PDE4B: variants seen among roughly 807,000 people sequenced by gnomAD.
PDE4B encodes phosphodiesterase 4B, also known as 3',5'-cyclic-AMP phosphodiesterase 4B.
PDE4B carries 20 observed loss-of-function variants against 82.2 expected under a neutral mutation model. The ratio of observed to expected loss-of-function variants is 0.24; its 90% CI spans 0.17 to 0.35. The LOEUF is 0.35. Ranked by LOEUF, PDE4B falls within the 10% of genes least tolerant of loss-of-function variation. PDE4B has a pLI of 1.00. For synonymous variants in PDE4B, 320 were observed against 318.9 expected (o/e 1.00, Z -0.04); for missense variants, 655 against 907.2 (o/e 0.72, Z 3.57).
intron 3 of PDE4B, among the ~76,000 whole-genome samples, chr1:66,115,017 G>A (rs2101061196): frequency 6.6e-6 from 1 of 152,246 alleles, no homozygotes; most frequent in East Asian, 1.9e-4. Context: ...TTATTCTTGA[G>A]AAGTTCCAGG....
intron 7 of PDE4B, among the ~76,000 whole-genome samples, chr1:66,323,959 A>T (rs1659582630): frequency 1.3e-5 from 2 of 152,226 alleles, no homozygotes; most frequent in South Asian, 4.1e-4. Flanking sequence ...CAATACCAAT[A>T]CAGGTAGATA....
intron 3 of PDE4B, among the ~76,000 whole-genome samples, chr1:66,153,431 T>C (rs1409815472): frequency 6.6e-6 from 1 of 152,218 alleles, no homozygotes; most frequent in African/African-American, 2.4e-5. Context: ...AATGTATTCA[T>C]GGCAACCATC....
chr1:66,118,803 G>T (rs1645650296), intron 3 of PDE4B, among the ~76,000 whole-genome samples: 1 of 151,710 alleles, frequency 6.6e-6, no homozygotes, highest in South Asian at 2.1e-4. Context: ...GTCCTTCCTT[G>T]TTCCTAACGT....
chr1:66,105,816 T>C (rs868504204), intron 3 of PDE4B, among the ~76,000 whole-genome samples: 5 of 152,098 alleles, frequency 3.3e-5, no homozygotes, highest in Middle Eastern at 3.4e-3. Flanking sequence ...CTGAAGTTGC[T>C]TATCAGCTTA....
chr1:66,203,316 A>G (rs1649192084), intron 3 of PDE4B, among the ~76,000 whole-genome samples: 1 of 151,948 alleles, frequency 6.6e-6, no homozygotes, highest in Admixed American at 6.6e-5. Flanking sequence ...GAATCTGACA[A>G]TTATATGTCT....
intron 1 of PDE4B, among the ~76,000 whole-genome samples, chr1:65,875,536 G>T (rs1236253065): frequency 2.1e-5 from 3 of 144,462 alleles, no homozygotes; most frequent in African/African-American, 7.7e-5. Context: ...CAATAGCAAA[G>T]ACTTGGAACC....
At chr1:65,921,142 G>T (rs1484763884) in intron 3 of PDE4B, among the ~76,000 whole-genome samples, 1 of 150,584 alleles carries the variant, frequency 6.6e-6, no homozygotes, top group African/African-American at 2.4e-5. Flanking sequence ...CTAATTTTTT[G>T]TATTTTTAGT....
At chr1:66,262,813 C>G (rs1247065486) in intron 6 of PDE4B, among the ~76,000 whole-genome samples, 1 of 152,182 alleles carries the variant, frequency 6.6e-6, no homozygotes, top group Non-Finnish European at 1.5e-5. Flanking sequence ...GAATTGACAA[C>G]TCTAAATAAA....
chr1:66,329,743 CCTT>C (rs1373717734), intron 7 of PDE4B, among the ~76,000 whole-genome samples: 2 of 152,066 alleles, frequency 1.3e-5, no homozygotes, highest in African/African-American at 2.4e-5. Flanking sequence ...AATATTTTAT[CCTT>C]CTTCTACAGA....
intron 3 of PDE4B, among the ~76,000 whole-genome samples, chr1:66,192,311 TA>T (rs1172986492): frequency 6.6e-6 from 1 of 152,128 alleles, no homozygotes; most frequent in Non-Finnish European, 1.5e-5. Flanking sequence ...AATTTTAATT[TA>T]AAAAAACCAT....
At chr1:66,120,970 G>C (rs11584681) in intron 3 of PDE4B, among the ~76,000 whole-genome samples, 9,470 of 152,212 alleles carry the variant, frequency 0.062, 435 homozygotes, top group South Asian at 0.18. Flanking sequence ...GCCCTTTAAT[G>C]ATTATGCATG....
intron 7 of PDE4B, among the ~76,000 whole-genome samples, chr1:66,279,874 G>A (rs903203622): frequency 6.6e-6 from 1 of 152,008 alleles, no homozygotes; most frequent in Admixed American, 6.6e-5. Flanking sequence ...CATCATCGGG[G>A]GTAATCTCCT....
rs139051703 is a variant in PDE4B, at chr1:66,263,834, A to G, written c.585-2204A>G. Among the ~76,000 whole-genome samples the G allele has an allele frequency of 4.8e-4, 73 of 152,292 alleles. No individual in the cohort carries two copies. The East Asian group carries it at 0.014, about 29-fold the overall frequency. On this transcript the variant is annotated intron_variant, in intron 6 of 16. Transcript: ENST00000341517. Reference sequence around the variant, plus strand: ...GTTTGGTGTGGAGACAGCTTCCTTGACAGGGGAATGAATGGCCTGAATAAT... The same window carrying G: ...GTTTGGTGTGGAGACAGCTTCCTTGGCAGGGGAATGAATGGCCTGAATAAT...
rs374178241 is a variant in PDE4B at position 65,886,681 on chromosome 1, A to T, written c.-70-26564A>T. Among the ~76,000 whole-genome samples, 9 of 152,228 alleles carry T rather than the reference A, an allele frequency of 5.9e-5. No individual in the cohort carries two copies. The East Asian group carries it at 9.7e-4, about 16-fold the overall frequency. On this transcript the variant is annotated intron_variant, in intron 1 of 16. Transcript: ENST00000341517. ...TATTTCACTTAACATAATGACCTCC[A>T]TTTCCATCCATGTTGCTGCAAATGA...
intron 1 of PDE4B, among the ~76,000 whole-genome samples, chr1:65,908,561 A>G (rs1226769458): frequency 1.3e-5 from 2 of 152,192 alleles, no homozygotes; most frequent in Non-Finnish European, 2.9e-5. Context: ...GTATACATAC[A>G]TTTAGTGATA....
chr1:66,134,649 C>A (rs1005516012), intron 3 of PDE4B, among the ~76,000 whole-genome samples: 3 of 152,122 alleles, frequency 2.0e-5, no homozygotes, highest in African/African-American at 7.2e-5. Context: ...AAGGCTATTT[C>A]CTTATTTTAA....
intron 1 of PDE4B, among the ~76,000 whole-genome samples, chr1:65,813,981 A>G: frequency 6.6e-6 from 1 of 151,510 alleles, no homozygotes; most frequent in Non-Finnish European, 1.5e-5. Context: ...AGAAGCCCTG[A>G]GTGTATGTGA....
At chr1:66,353,633 C>T (rs7522456) in intron 8 of PDE4B, among the ~76,000 whole-genome samples, 2,342 of 151,930 alleles carry the variant, frequency 0.015, 61 homozygotes, top group African/African-American at 0.054. Flanking sequence ...GAACCTGGGG[C>T]GGGGAATCCC....
At chr1:66,065,807 A>C (rs995403487) in intron 3 of PDE4B, among the ~76,000 whole-genome samples, 1 of 151,880 alleles carries the variant, frequency 6.6e-6, no homozygotes, top group Non-Finnish European at 1.5e-5. Context: ...TTATTATACA[A>C]TGTAGGTTTT....
Sources: allele counts gnomAD v4.1 joint callset (sites outside exome capture counted in the v4.1 genomes callset), GRCh38; gene constraint gnomAD v4.1.1; transcripts MANE v1.5; gene names NCBI Gene and HGNC (gene_info 2026-07-23, HGNC 2026-07-21).